CMSS1: variants seen among roughly 807,000 people sequenced by gnomAD.
CMSS1 encodes the protein protein CMSS1.
CMSS1 carries 33 observed loss-of-function variants against 43.5 expected under a neutral mutation model. The observed-to-expected ratio is 0.76, with a 90% CI of 0.57 to 1.01. CMSS1 has a LOEUF of 1.01. Ranked by LOEUF, CMSS1 falls within the 50% of genes least tolerant of loss-of-function variation. The pLI, the probability that CMSS1 is intolerant of heterozygous loss-of-function variation, is 0.00. For synonymous variants in CMSS1, 115 were observed against 117.2 expected (o/e 0.98, Z 0.12); for missense variants, 313 against 326.4 (o/e 0.96, Z 0.32).
intron 1 of CMSS1, among the ~76,000 whole-genome samples, chr3:99,836,174 C>T (rs961215567): frequency 3.3e-5 from 5 of 152,152 alleles, no homozygotes. Context: ...AGTAGATTAA[C>T]TATCTTACAG....
chr3:100,037,074 T>G (rs1378701513), intron 1 of CMSS1, among the ~76,000 whole-genome samples: 1 of 152,188 alleles, frequency 6.6e-6, no homozygotes. Context: ...ATTTGGATCC[T>G]GGATCGGGGG....
chr3:100,156,268 G>A (rs535596989), intron 2 of CMSS1, among the ~76,000 whole-genome samples: 1 of 144,502 alleles, frequency 6.9e-6, no homozygotes, highest in Non-Finnish European at 1.5e-5. Context: ...AGGAGTACAG[G>A]TATGCGCCAC....
At chr3:99,952,302 G>C (rs751481669) in intron 1 of CMSS1, among the ~76,000 whole-genome samples, 14 of 152,222 alleles carry the variant, frequency 9.2e-5, no homozygotes, top group Middle Eastern at 3.4e-3. Context: ...GCTTAAGCTA[G>C]ACATCTAAGG....
intron 1 of CMSS1, among the ~76,000 whole-genome samples, chr3:99,854,512 T>G (rs978218119): frequency 2.0e-5 from 3 of 152,200 alleles, no homozygotes; most frequent in Non-Finnish European, 4.4e-5. Flanking sequence ...TTCCAGTTTA[T>G]GTGCCTTTAT....
intron 1 of CMSS1, among the ~76,000 whole-genome samples, chr3:99,906,470 T>G (rs1011294111): frequency 6.6e-6 from 1 of 152,244 alleles, no homozygotes; most frequent in Non-Finnish European, 1.5e-5. Flanking sequence ...TCTCCCAATC[T>G]GTAACTTGCC....
intron 1 of CMSS1, among the ~76,000 whole-genome samples, chr3:100,011,114 G>A (rs1033658229): frequency 2.0e-5 from 3 of 152,098 alleles, no homozygotes; most frequent in African/African-American, 4.8e-5. Flanking sequence ...TATTAAGCAC[G>A]ACAGAGACAA....
chr3:99,965,110 T>C (rs1358183581), intron 1 of CMSS1, among the ~76,000 whole-genome samples: 1 of 152,244 alleles, frequency 6.6e-6, no homozygotes, highest in Non-Finnish European at 1.5e-5. Context: ...AAAGATTACA[T>C]TGGTCCAGGA....
chr3:100,021,915 TTGTGTGTGTGTGTG>T lies in CMSS1; in HGVS notation c.65-125025_65-125012del, dbSNP rs61704772. On this transcript the variant is annotated intron_variant, in intron 1 of 9. Transcript: ENST00000421999. ...AGAATAGCTTGGATGCTAGATCCCA[TTGTGTGTGTGTGTG>T]TGTGTGTGTGTGTGTGTGTGTGTGT... Among the ~76,000 whole-genome samples, 372 of 105,986 alleles carry T rather than the reference TTGTGTGTGTGTGTG, an allele frequency of 3.5e-3. 2 individuals carry two copies. Among genetic ancestry groups the T allele is most frequent in the Middle Eastern group, 0.015 (3 of 196 alleles). 69.5% of individuals were successfully genotyped at this position (105,986 alleles called of 152,430 possible).
intron 1 of CMSS1, among the ~76,000 whole-genome samples, chr3:100,146,076 A>G (rs2066847004): frequency 6.6e-6 from 1 of 152,246 alleles, no homozygotes; most frequent in African/African-American, 2.4e-5. Flanking sequence ...AGATATACAG[A>G]GAAACTCAAG....
intron 1 of CMSS1, among the ~76,000 whole-genome samples, chr3:99,899,102 A>G (rs565757233): frequency 3.3e-5 from 5 of 152,338 alleles, no homozygotes; most frequent in African/African-American, 1.2e-4. Flanking sequence ...ATTATATTAG[A>G]TGGAGATTTT....
intron 1 of CMSS1, among the ~76,000 whole-genome samples, chr3:99,886,826 C>T (rs6762078): frequency 0.022 from 3,297 of 151,982 alleles, 50 homozygotes; most frequent in Non-Finnish European, 0.036. Flanking sequence ...AAAAATTAGC[C>T]AGGCATGGTG....
chr3:100,045,866 G>A (rs766008300), intron 1 of CMSS1, among the ~76,000 whole-genome samples: 25 of 152,154 alleles, frequency 1.6e-4, no homozygotes, highest in Non-Finnish European at 1.8e-4. Flanking sequence ...ACTTGGTGGA[G>A]TCTGACCCTC....
Position 99,942,692 on chromosome 3 carries a change from G to A in CMSS1, c.64+124649G>A, listed in dbSNP as rs1707886390. Among the ~76,000 whole-genome samples, 7 of 152,168 alleles carry A rather than the reference G, an allele frequency of 4.6e-5. No individual in the cohort carries two copies. In the South Asian group the frequency reaches 1.5e-3, roughly 32 times the overall value. On this transcript the variant is annotated intron_variant, in intron 1 of 9. Transcript: ENST00000421999. ...ACTAAAAATATAACTAGCCGGGCATGGTGGTGGATGCCTGTAATCCCAGCT... is the reference window on the plus strand; with the variant it reads ...ACTAAAAATATAACTAGCCGGGCATAGTGGTGGATGCCTGTAATCCCAGCT...
intron 1 of CMSS1, among the ~76,000 whole-genome samples, chr3:99,953,016 C>T (rs564388065): frequency 6.6e-6 from 1 of 152,264 alleles, no homozygotes; most frequent in Admixed American, 6.5e-5. Flanking sequence ...TGGATTTTCT[C>T]ATGACTGTTC....
intron 1 of CMSS1, among the ~76,000 whole-genome samples, chr3:99,878,411 G>T (rs995175931): frequency 6.6e-6 from 1 of 152,206 alleles, no homozygotes; most frequent in African/African-American, 2.4e-5. Flanking sequence ...CGCTACTAAA[G>T]TAATGATACA....
intron 1 of CMSS1, among the ~76,000 whole-genome samples, chr3:99,982,772 C>A (rs1709165715): frequency 6.6e-6 from 1 of 152,192 alleles, no homozygotes; most frequent in Admixed American, 6.5e-5. Flanking sequence ...GATCCTTCCT[C>A]ATTTTTCAAA....
intron 1 of CMSS1, chr3:99,924,347 A>G (rs752637147): frequency 5.0e-6 from 8 of 1,614,116 alleles, no homozygotes; most frequent in Middle Eastern, 1.6e-4. Context: ...TTTTTCTGCC[A>G]CTAAAAGCTG....
intron 4 of CMSS1, among the ~76,000 whole-genome samples, chr3:100,164,416 G>A (rs1253857713): frequency 6.6e-6 from 1 of 152,166 alleles, no homozygotes; most frequent in Non-Finnish European, 1.5e-5. Context: ...AAGCTCAGAA[G>A]AAACTTTTAA....
intron 1 of CMSS1, among the ~76,000 whole-genome samples, chr3:100,038,348 A>T (rs909543164): frequency 1.3e-5 from 2 of 152,228 alleles, no homozygotes; most frequent in Non-Finnish European, 2.9e-5. Context: ...ATCCAAAAAA[A>T]ATTGCTTAAC....
Sources: allele counts gnomAD v4.1 joint callset (sites outside exome capture counted in the v4.1 genomes callset), GRCh38; gene constraint gnomAD v4.1.1; transcripts MANE v1.5; gene names NCBI Gene and HGNC (gene_info 2026-07-23, HGNC 2026-07-21).